Variants in RALGAPA1 observed in about 807,000 individuals in gnomAD.
RALGAPA1 encodes ral GTPase-activating protein subunit alpha-1.
In RALGAPA1, 52 loss-of-function variants were observed where a neutral mutation model predicts 269.6. The ratio of observed to expected loss-of-function variants is 0.19; its 90% CI spans 0.15 to 0.24. The LOEUF is 0.24. Among genes scored for constraint, RALGAPA1 ranks in the 10% least tolerant of loss-of-function variants. The pLI, the probability that RALGAPA1 is intolerant of heterozygous loss-of-function variation, is 1.00. For synonymous variants in RALGAPA1, 817 were observed against 1,008.3 expected (o/e 0.81, Z 3.60); for missense variants, 1,917 against 3,013.9 (o/e 0.64, Z 8.52).
At chr14:35,616,681 C>T (rs1230750729) in intron 35 of RALGAPA1, among the ~76,000 whole-genome samples, 2 of 152,066 alleles carry the variant, frequency 1.3e-5, no homozygotes, top group Non-Finnish European at 2.9e-5. Context: ...TTTTGTAAAT[C>T]GAAAACTGCT....
intron 26 of RALGAPA1, among the ~76,000 whole-genome samples, chr14:35,671,044 T>C (rs1238359805): frequency 6.6e-6 from 1 of 152,186 alleles, no homozygotes; most frequent in African/African-American, 2.4e-5. Flanking sequence ...ACAATATATA[T>C]TCAGGGTGTA....
chr14:35,717,432 G>C (rs1226886315), intron 16 of RALGAPA1, among the ~76,000 whole-genome samples: 1 of 150,682 alleles, frequency 6.6e-6, no homozygotes, highest in Non-Finnish European at 1.5e-5. Flanking sequence ...TTACAGGCGT[G>C]AGCCACTGCG....
intron 37 of RALGAPA1, among the ~76,000 whole-genome samples, chr14:35,587,558 T>A (rs889036281): frequency 4.6e-5 from 7 of 152,220 alleles, no homozygotes; most frequent in Admixed American, 1.3e-4. Context: ...GATGAGTTCA[T>A]GTCCTTTGCA....
In RALGAPA1 at chr14:35,696,897, C is replaced by T. The variant is rs546843274; in HGVS notation, c.2407+3265G>A. On this transcript the variant is annotated intron_variant, in intron 17 of 41. Transcript: ENST00000680220. ...TTTTCCCCTTCATACAGTTCACTTT[C>T]TTATTAATTCTCTGCACATTAAACT... is the stretch of plus-strand genomic sequence containing the variant. Among the ~76,000 whole-genome samples, 11 of 152,254 alleles carry T rather than the reference C, an allele frequency of 7.2e-5. No homozygotes were observed. In the South Asian group the frequency reaches 1.9e-3, roughly 26 times the overall value.
chr14:35,591,831 G>A (rs947307226), intron 37 of RALGAPA1, among the ~76,000 whole-genome samples: 1 of 152,162 alleles, frequency 6.6e-6, no homozygotes, highest in Non-Finnish European at 1.5e-5. Context: ...GGAACCTGGT[G>A]GGAGGTGACT....
chr14:35,738,734 G>T lies in RALGAPA1; in HGVS notation c.1450-84C>A, dbSNP rs909758440. On this transcript the variant is annotated intron_variant, in intron 11 of 41. Transcript: ENST00000680220. Reference sequence around the variant, plus strand: ...TTAAGTTGAAAAGGTAAATGAAATTGTTAGGTCCCACTGCTAAACAGGTTT... The same window carrying T: ...TTAAGTTGAAAAGGTAAATGAAATTTTTAGGTCCCACTGCTAAACAGGTTT... The T allele has an allele frequency of 3.6e-6, 4 of 1,102,532 alleles. No individual in the cohort carries two copies. The Admixed American group carries it at 7.0e-5, about 19-fold the overall frequency. The allele number at this position is 1,102,532 out of a possible 1,614,324, so 68.3% of individuals were successfully genotyped here.
intron 35 of RALGAPA1, among the ~76,000 whole-genome samples, chr14:35,623,111 AAAT>A (rs1456947707): frequency 2.0e-5 from 3 of 152,076 alleles, no homozygotes; most frequent in African/African-American, 7.2e-5. Context: ...ATCTAGAGAG[AAAT>A]AAGGAAATGT....
At chr14:35,728,028 T>A (rs1353530002) in intron 13 of RALGAPA1, among the ~76,000 whole-genome samples, 4 of 152,326 alleles carry the variant, frequency 2.6e-5, no homozygotes, top group Non-Finnish European at 5.9e-5. Flanking sequence ...CAGTCAATCA[T>A]CAACTTATTC....
chr14:35,745,350 C>A (rs1375890528), intron 10 of RALGAPA1, among the ~76,000 whole-genome samples: 1 of 151,662 alleles, frequency 6.6e-6, no homozygotes, highest in African/African-American at 2.4e-5. Flanking sequence ...CAGTATGGTA[C>A]CAGCATAAAA....
At chr14:35,692,397 G>A (rs1179497304) in intron 17 of RALGAPA1, among the ~76,000 whole-genome samples, 1 of 151,414 alleles carries the variant, frequency 6.6e-6, no homozygotes, top group Non-Finnish European at 1.5e-5. Flanking sequence ...AAGAAGCCAG[G>A]AAAGATTATT....
intron 31 of RALGAPA1, among the ~76,000 whole-genome samples, chr14:35,643,297 A>G (rs1041146119): frequency 2.0e-5 from 3 of 152,130 alleles, no homozygotes; most frequent in Non-Finnish European, 4.4e-5. Context: ...AAACCTGCAC[A>G]TTGTGCACAT....
chr14:35,592,995 C>T (rs1315209972), intron 37 of RALGAPA1, among the ~76,000 whole-genome samples: 1 of 152,078 alleles, frequency 6.6e-6, no homozygotes, highest in East Asian at 1.9e-4. Flanking sequence ...ACTGGAAGTA[C>T]TAGCAAGAAC....
intron 35 of RALGAPA1, 90 bp downstream of exon 35, chr14:35,625,271 A>G: frequency 3.4e-6 from 3 of 881,776 alleles, no homozygotes; most frequent in Non-Finnish European, 5.3e-6. Context: ...ACACAGTATT[A>G]TATACTATTT....
Position 35,684,972 on chromosome 14 carries a change from C to A in RALGAPA1, c.4251G>T (p.Ser1417=). The change falls in exon 20 of 42, where the codon TCG becomes TCT. Residue 1417 remains serine, a synonymous_variant. Coordinates refer to ENST00000680220, the MANE Select transcript of RALGAPA1 (RefSeq NM_001346249.2). ...SSDLISSDSH[S]DSFSAFQYDG... ...CATATTGGAAAGCGCTGAAAGAATC[C>A]GAATGACTATCTGAGCTGATAAGAT... 1 of 1,613,260 alleles carries A rather than the reference C, an allele frequency of 6.2e-7. No homozygotes were observed. Among genetic ancestry groups the A allele is most frequent in the Non-Finnish European group, 8.5e-7 (1 of 1,179,820 alleles).
At chr14:35,623,896 G>T (rs1408326950) in intron 35 of RALGAPA1, among the ~76,000 whole-genome samples, 1 of 152,086 alleles carries the variant, frequency 6.6e-6, no homozygotes, top group Non-Finnish European at 1.5e-5. Context: ...TGGCTAACAT[G>T]GTGAAACCCT....
chr14:35,667,605 T>G (rs1050613327), intron 26 of RALGAPA1, among the ~76,000 whole-genome samples: 3 of 152,148 alleles, frequency 2.0e-5, no homozygotes, highest in Non-Finnish European at 4.4e-5. Flanking sequence ...GCATTACTAA[T>G]AAGCACCCAG....
chr14:35,808,903 G>A lies in RALGAPA1; in HGVS notation c.-68C>T. On this transcript the variant is annotated 5_prime_UTR_variant, in exon 1 of 42. Coordinates refer to ENST00000680220, the MANE Select transcript of RALGAPA1 (RefSeq NM_001346249.2). ...CAGCCGGGTCCCGGCGGCAGAAAGT[G>A]GAGGGAGTGGACGGGGAGGAGACTA... The A allele has an allele frequency of 1.3e-6, 2 of 1,557,352 alleles. No individual in the cohort carries two copies. The highest frequency in any genetic ancestry group is 4.6e-4 in the Middle Eastern group (2 of 4,338).
At chr14:35,579,104 C>G (rs1014949529) in intron 37 of RALGAPA1, among the ~76,000 whole-genome samples, 1 of 152,046 alleles carries the variant, frequency 6.6e-6, no homozygotes, top group African/African-American at 2.4e-5. Context: ...AGTTTAAGAA[C>G]AGAAGAATTA....
Position 35,760,830 on chromosome 14 carries a change from T to C in RALGAPA1, c.546A>G (p.Glu182=). Residue 182 remains glutamate, a splice_region_variant and synonymous_variant, in exon 6 of 42, where the codon GAA becomes GAG. Coordinates refer to ENST00000680220, the MANE Select transcript of RALGAPA1 (RefSeq NM_001346249.2). ...CGGATAACATCCCATGAATCTTACT[T>C]TCTTGAAGGTTGAGTGGAGGATTAA... ...NLINPPLNLQ[E]TQVTIEEITP... The C allele has an allele frequency of 6.2e-7, 1 of 1,609,302 alleles. No individual in the cohort carries two copies. The highest frequency in any genetic ancestry group is 8.5e-7 in the Non-Finnish European group (1 of 1,177,566).
Sources: allele counts gnomAD v4.1 joint callset (sites outside exome capture counted in the v4.1 genomes callset), GRCh38; gene constraint gnomAD v4.1.1; transcripts MANE v1.5; gene names NCBI Gene and HGNC (gene_info 2026-07-23, HGNC 2026-07-21).